Variants in CMYA5 observed in about 807,000 individuals in gnomAD.
The protein encoded by CMYA5 is cardiomyopathy associated 5.
Under a neutral mutation model 318.9 loss-of-function variants are expected in CMYA5, and 246 were observed. The ratio of observed to expected loss-of-function variants is 0.77; its 90% CI spans 0.70 to 0.86. The LOEUF is 0.86. Ranked by LOEUF, CMYA5 falls within the 40% of genes least tolerant of loss-of-function variation. The pLI, the probability that CMYA5 is intolerant of heterozygous loss-of-function variation, is 0.00. For missense variants in CMYA5, 4,589 were observed against 4,678.2 expected (o/e 0.98, Z 0.56); for synonymous variants, 1,641 against 1,729.5 (o/e 0.95, Z 1.27).
intron 9 of CMYA5, among the ~76,000 whole-genome samples, chr5:79,784,689 G>A (rs369945172): frequency 2.1e-3 from 278 of 129,980 alleles, no homozygotes; most frequent in African/African-American, 7.7e-3. Flanking sequence ...TTCCAGGTGC[G>A]TCCGTCACCC....
In CMYA5 at chr5:79,745,417, A is replaced by C. The variant is rs1395270303; in HGVS notation, c.10930A>C (p.Arg3644=). The change falls in exon 4 of 13, where the codon AGA becomes CGA. Residue 3644 remains arginine, a synonymous_variant. Transcript: ENST00000446378. ...CAAAGACACCCTGGAGACCATCGTG[A>C]GAGAAGCAGAGGAGCTTGATGAGGC... ...TAKDTLETIV[R]EAEELDEAVF... 6.2e-7 allele frequency: 1 copy of C among 1,614,016 alleles called. No individual in the cohort carries two copies. The highest frequency in any genetic ancestry group is 1.1e-5 in the South Asian group (1 of 91,086).
chr5:79,696,784 TCA>T (rs1827075239), intron 1 of CMYA5, among the ~76,000 whole-genome samples: 1 of 152,136 alleles, frequency 6.6e-6, no homozygotes, highest in Non-Finnish European at 1.5e-5. Context: ...GACGGGCAGG[TCA>T]CCTGAGGTCA....
chr5:79,762,792 A>G (rs1396861137), intron 8 of CMYA5: 4 of 389,924 alleles, frequency 1.0e-5, no homozygotes, highest in African/African-American at 2.0e-5. Flanking sequence ...TTGCTTGTAT[A>G]TGTATAAAGA....
Position 79,729,730 on chromosome 5 carries a change from A to T in CMYA5, c.965A>T (p.Asp322Val), listed in dbSNP as rs1438482301. The T allele has an allele frequency of 5.6e-6, 9 of 1,613,960 alleles. No individual in the cohort carries two copies. Among genetic ancestry groups the T allele is most frequent in the Non-Finnish European group, 6.8e-6 (8 of 1,179,882 alleles). The change falls in exon 2 of 13, where the codon GAT becomes GTT. Residue 322 changes from aspartate (D) to valine (V), a missense_variant. Around this residue, in one of 3 missense-constraint regions of CMYA5, gnomAD observed 2,132 missense variants for 2,131.3 expected, o/e 1.00. Coordinates refer to ENST00000446378, the MANE Select transcript of CMYA5 (RefSeq NM_153610.5). ...ESLTLMFSHE[D>V]QKKIYADSPL... ...CTAACCTTAATGTTCAGTCATGAAG[A>T]TCAAAAGAAAATTTATGCTGATTCT...
chr5:79,762,171 T>C (rs1172229084), intron 8 of CMYA5: 2 of 497,986 alleles, frequency 4.0e-6, no homozygotes, highest in East Asian at 6.0e-5. Flanking sequence ...ATAGAAAATG[T>C]GTGGTAAGGG....
chr5:79,729,209 AG>A lies in CMYA5; in HGVS notation c.446del (p.Gly149AlafsTer22). On this transcript the variant is annotated frameshift_variant, in exon 2 of 13. Transcript: ENST00000446378. LOFTEE classifies it high-confidence loss of function. ...ATGGTTCACCATCATTACGCCGGAAAGGCAACAGAAAAAGAAATTCTTTTGA... is the reference window on the plus strand; with the variant it reads ...ATGGTTCACCATCATTACGCCGGAAAGCAACAGAAAAAGAAATTCTTTTGA... The part of the protein sequence containing the change: ...KHGSPSLRRK[G>X]NRKRNSFESQ... 6.2e-7 allele frequency: 1 copy of A among 1,612,962 alleles called. No individual in the cohort carries two copies.
chr5:79,742,136 CCTT>C (rs1345634185), intron 2 of CMYA5, among the ~76,000 whole-genome samples: 4 of 144,602 alleles, frequency 2.8e-5, no homozygotes, highest in Non-Finnish European at 6.0e-5. Flanking sequence ...CTCCTCCTCC[CCTT>C]CTTCCTCCCC....
intron 1 of CMYA5, 89 bp from the exon 2 acceptor site, chr5:79,728,826 C>T (rs991163562): frequency 1.7e-6 from 1 of 584,298 alleles, no homozygotes; most frequent in Non-Finnish European, 2.4e-6. Flanking sequence ...CACATTAATC[C>T]TTTACCTGGT....
Position 79,739,131 on chromosome 5 carries a change from G to T in CMYA5, c.10366G>T (p.Glu3456Ter), listed in dbSNP as rs1453521349. 8 of 1,613,812 alleles carry T rather than the reference G, an allele frequency of 5.0e-6. No individual in the cohort carries two copies. Among genetic ancestry groups the T allele is most frequent in the Non-Finnish European group, 5.9e-6 (7 of 1,179,848 alleles). ...TGAAGATGTCTTATCTCAAGGAAAG[G>T]AATCCTTTGAGCACATCAGTGAAAA... ...TPEDVLSQGK[E>*]SFEHISENEF... The change falls in exon 2 of 13, where the codon GAA becomes TAA. Residue 3456 changes from glutamate (E) to a stop codon, truncating the protein, a stop_gained. Transcript: ENST00000446378. LOFTEE classifies it high-confidence loss of function.
intron 10 of CMYA5, among the ~76,000 whole-genome samples, chr5:79,790,621 T>C (rs1363312957): frequency 6.6e-6 from 1 of 152,214 alleles, no homozygotes. Flanking sequence ...CTTGTTAAAA[T>C]ACAGATTTGA....
chr5:79,773,217 G>T (rs999902232), intron 9 of CMYA5, among the ~76,000 whole-genome samples: 2 of 152,168 alleles, frequency 1.3e-5, no homozygotes, highest in African/African-American at 4.8e-5. Flanking sequence ...CAATAAATAT[G>T]TGTTACTGGA....
chr5:79,698,347 A>C (rs767026789), intron 1 of CMYA5, among the ~76,000 whole-genome samples: 1 of 152,114 alleles, frequency 6.6e-6, no homozygotes, highest in Non-Finnish European at 1.5e-5. Flanking sequence ...AGAACTGAGA[A>C]GACCAAGATT....
intron 11 of CMYA5, 64 bp downstream of exon 11, chr5:79,791,133 C>T (rs1307077025): frequency 8.6e-7 from 1 of 1,160,252 alleles, no homozygotes; most frequent in African/African-American, 1.5e-5. Context: ...GGGTGTGTCG[C>T]CTCAGGGTGG....
chr5:79,700,542 AG>A (rs1428106247), intron 1 of CMYA5, among the ~76,000 whole-genome samples: 1 of 152,228 alleles, frequency 6.6e-6, no homozygotes, highest in Non-Finnish European at 1.5e-5. Flanking sequence ...AAATAGGCAA[AG>A]GATCTGAATA....
chr5:79,775,146 G>A (rs1377808250), intron 9 of CMYA5, among the ~76,000 whole-genome samples: 8 of 152,190 alleles, frequency 5.3e-5, no homozygotes. Context: ...TCCCTCTGTA[G>A]GGAGCCTTTG....
chr5:79,747,520 T>A (rs1366057623), intron 5 of CMYA5, among the ~76,000 whole-genome samples: 2 of 152,236 alleles, frequency 1.3e-5, no homozygotes, highest in African/African-American at 4.8e-5. Context: ...GTTCTATCAT[T>A]TTCTCTTCAA....
chr5:79,725,231 G>A (rs2151082735), intron 1 of CMYA5, among the ~76,000 whole-genome samples: 1 of 152,236 alleles, frequency 6.6e-6, no homozygotes, highest in South Asian at 2.1e-4. Context: ...CATCAACGGT[G>A]GATTGGATAA....
At chr5:79,787,251 C>T (rs77636339) in intron 9 of CMYA5, among the ~76,000 whole-genome samples, 7 of 151,890 alleles carry the variant, frequency 4.6e-5, no homozygotes, top group Non-Finnish European at 7.4e-5. Context: ...CTCAGAATAA[C>T]AGGCAGAGAC....
At chr5:79,714,431 C>CTTTTTCT (rs767402291) in intron 1 of CMYA5, among the ~76,000 whole-genome samples, 71 of 100,700 alleles carry the variant, frequency 7.1e-4, no homozygotes, top group Middle Eastern at 7.1e-3. Context: ...TTTTCTTTTT[C>CTTTTTCT]TTTTTTTTTT....
Sources: allele counts gnomAD v4.1 joint callset (sites outside exome capture counted in the v4.1 genomes callset), GRCh38; gene constraint gnomAD v4.1.1; regional missense constraint gnomAD v4.1.1; transcripts MANE v1.5; gene names NCBI Gene and HGNC (gene_info 2026-07-23, HGNC 2026-07-21).